The following SLC14A2 variants were observed in gnomAD, a reference collection of about 807,000 sequenced individuals.
SLC14A2 encodes urea transporter 2.
SLC14A2 carries 91 observed loss-of-function variants against 104.6 expected under a neutral mutation model. The ratio of observed to expected loss-of-function variants is 0.87; its 90% confidence interval spans 0.73 to 1.04. The LOEUF is 1.04. SLC14A2 is among the 50% of genes least tolerant of loss of function. The probability of loss-of-function intolerance (pLI) is 0.00; values close to 1 mark genes in which losing one functional copy is unlikely to be tolerated. For missense variants in SLC14A2, 1,189 were observed against 1,156.0 expected (o/e 1.03, Z -0.41); for synonymous variants, 476 against 466.4 (o/e 1.02, Z -0.27).
chr18:45,301,075 A>C (rs1248177885), intron 1 of SLC14A2, among the ~76,000 whole-genome samples: 1 of 152,188 alleles, frequency 6.6e-6, no homozygotes, highest in Admixed American at 6.5e-5. Flanking sequence ...CGTCTGCCTG[A>C]TGGCTGGGCC....
At chr18:45,282,015 TC>T (rs1444216656) in intron 1 of SLC14A2, among the ~76,000 whole-genome samples, 1 of 152,128 alleles carries the variant, frequency 6.6e-6, no homozygotes, top group African/African-American at 2.4e-5. Context: ...TACCTTGACT[TC>T]TTTTTTCCTG....
chr18:45,437,352 CAT>C (rs2086613212), intron 1 of SLC14A2, among the ~76,000 whole-genome samples: 1 of 104,914 alleles, frequency 9.5e-6, no homozygotes. Context: ...AAACCAGCCT[CAT>C]AGAGAGAGTC....
chr18:45,497,976 A>G (rs1383485861), intron 2 of SLC14A2, among the ~76,000 whole-genome samples: 1 of 152,198 alleles, frequency 6.6e-6, no homozygotes, highest in African/African-American at 2.4e-5. Context: ...GACAAGCTTC[A>G]AGATCTCATT....
At chr18:45,415,695 C>T (rs1179307121) in intron 1 of SLC14A2, among the ~76,000 whole-genome samples, 3 of 152,134 alleles carry the variant, frequency 2.0e-5, no homozygotes, top group Admixed American at 6.6e-5. Flanking sequence ...AAAAGCCTTG[C>T]TACCTGCTGG....
At chr18:45,638,656 C>A (rs1459501648) in intron 6 of SLC14A2, among the ~76,000 whole-genome samples, 1 of 152,200 alleles carries the variant, frequency 6.6e-6, no homozygotes, top group African/African-American at 2.4e-5. Flanking sequence ...AGTTTGGGAA[C>A]CACTGACCTA....
At chr18:45,491,849 C>A (rs1022443615) in intron 2 of SLC14A2, among the ~76,000 whole-genome samples, 3 of 152,190 alleles carry the variant, frequency 2.0e-5, no homozygotes, top group Non-Finnish European at 4.4e-5. Context: ...GCAAGGTCAC[C>A]AAGGACCACT....
chr18:45,389,815 C>T (rs2085940813), intron 1 of SLC14A2, among the ~76,000 whole-genome samples: 1 of 152,162 alleles, frequency 6.6e-6, no homozygotes, highest in South Asian at 2.1e-4. Flanking sequence ...AATTAAATCC[C>T]ACACCCACTG....
rs112719855 is a variant in SLC14A2 at position 45,606,759 on chromosome 18, C to A, written c.-34-17872C>A. Among the ~76,000 whole-genome samples the A allele has an allele frequency of 7.2e-3, 101 of 14,062 alleles. 4 individuals carry two copies. The highest frequency in any genetic ancestry group is 8.8e-3 in the African/African-American group (31 of 3,514). The allele number at this position is 14,062 out of a possible 152,430, so 9.2% of individuals were successfully genotyped here. On this transcript the variant is annotated intron_variant, in intron 2 of 20. Coordinates refer to the SLC14A2 transcript ENST00000586448. ...TAAAAAAAAAAAAACAAAACAAAAA[C>A]AAAAAAAAAAAACACTGGCTGCAAG...
At chr18:45,671,710 T>C (rs1375747634) in intron 16 of SLC14A2, among the ~76,000 whole-genome samples, 1 of 152,238 alleles carries the variant, frequency 6.6e-6, no homozygotes, top group Non-Finnish European at 1.5e-5. Flanking sequence ...ACACTCACTG[T>C]GGCGTGAGGG....
chr18:45,211,271 A>G (rs416808), upstream of SLC14A2, among the ~76,000 whole-genome samples: 120,249 of 152,082 alleles, frequency 0.79, 47,545 homozygotes, highest in East Asian at 0.83. Flanking sequence ...AATGCTGTTT[A>G]CCTTTCTCCC....
intron 1 of SLC14A2, among the ~76,000 whole-genome samples, chr18:45,407,475 T>G (rs986606977): frequency 6.6e-6 from 1 of 152,234 alleles, no homozygotes; most frequent in Non-Finnish European, 1.5e-5. Flanking sequence ...AAGAATGTTT[T>G]GCTTTCTTAT....
intron 1 of SLC14A2, among the ~76,000 whole-genome samples, chr18:45,317,367 G>A (rs1187053646): frequency 2.0e-5 from 3 of 152,200 alleles, no homozygotes; most frequent in Non-Finnish European, 4.4e-5. Context: ...GCTTAAGGGA[G>A]ATCTCAGTCT....
intron 2 of SLC14A2, among the ~76,000 whole-genome samples, chr18:45,567,055 AGTGTGTGTGTGTGTGTGTGTGT>A (rs3058364): frequency 7.9e-5 from 11 of 139,902 alleles, no homozygotes; most frequent in South Asian, 2.6e-4. Flanking sequence ...ATGTGCACAT[AGTGTGTGTGTGTGTGTGTGTGT>A]GTGTGTGTGT....
chr18:45,601,170 C>T (rs1029713217), intron 2 of SLC14A2, among the ~76,000 whole-genome samples: 9 of 152,198 alleles, frequency 5.9e-5, no homozygotes, highest in African/African-American at 9.7e-5. Flanking sequence ...AAAGAGAATG[C>T]GCGGCCCAAC....
At chr18:45,285,669 C>CAA in intron 1 of SLC14A2, among the ~76,000 whole-genome samples, 1 of 139,620 alleles carries the variant, frequency 7.2e-6, no homozygotes, top group East Asian at 2.1e-4. Flanking sequence ...CTGCCCCCCC[C>CAA]CCCCCTCGGC....
chr18:45,451,626 AG>A (rs2086859448), intron 1 of SLC14A2, among the ~76,000 whole-genome samples: 1 of 152,108 alleles, frequency 6.6e-6, no homozygotes, highest in Admixed American at 6.6e-5. Flanking sequence ...GAGGCTAATA[AG>A]CTCCCTTTTC....
In SLC14A2 at chr18:45,218,948, G is replaced by T. The variant is rs113898299; in HGVS notation, c.-125+5757G>T. Among the ~76,000 whole-genome samples the T allele has an allele frequency of 1.7e-3, 252 of 151,518 alleles. 1 individual carries two copies. Among genetic ancestry groups the T allele is most frequent in the African/African-American group, 5.9e-3 (243 of 41,340 alleles). ...TACTCAGCATTTTCCAAACACATCT[G>T]AATTCAGAATTAATTTTTAGTTGTT... is the stretch of plus-strand genomic sequence containing the variant. On this transcript the variant is annotated intron_variant, in intron 1 of 20. Coordinates refer to the SLC14A2 transcript ENST00000586448.
At chr18:45,499,297 G>A (rs1009361077) in intron 2 of SLC14A2, among the ~76,000 whole-genome samples, 1 of 152,190 alleles carries the variant, frequency 6.6e-6, no homozygotes, top group Admixed American at 6.5e-5. Context: ...AAATTAAGAA[G>A]AGCCTCTGTC....
chr18:45,630,217 GT>G (rs1420882298), intron 4 of SLC14A2, among the ~76,000 whole-genome samples: 1 of 152,186 alleles, frequency 6.6e-6, no homozygotes, highest in African/African-American at 2.4e-5. Context: ...TGACAGGTCA[GT>G]GTCTTGTTCT....
Sources: gnomAD v4.1 joint callset for allele counts (sites outside exome capture counted in the v4.1 genomes callset) on GRCh38, gnomAD v4.1.1 for gene constraint, MANE v1.5 for transcripts, NCBI Gene and HGNC (gene_info 2026-07-23, HGNC 2026-07-21) for gene names.